RHOBTB3: variants seen among roughly 807,000 people sequenced by gnomAD.
RHOBTB3 encodes the protein rho-related BTB domain-containing protein 3.
RHOBTB3 carries 47 observed loss-of-function variants against 67.2 expected under a neutral mutation model. The ratio of observed to expected loss-of-function variants is 0.70; its 90% CI spans 0.55 to 0.89. RHOBTB3 has a LOEUF of 0.89. Among genes scored for constraint, RHOBTB3 ranks in the 40% least tolerant of loss-of-function variants. The pLI, the probability that RHOBTB3 is intolerant of heterozygous loss-of-function variation, is 0.00. For synonymous variants in RHOBTB3, 273 were observed against 274.2 expected (o/e 1.00, Z 0.04); for missense variants, 631 against 750.0 (o/e 0.84, Z 1.85).
At chr5:95,776,947 T>G (rs1367455866) in intron 8 of RHOBTB3, among the ~76,000 whole-genome samples, 2 of 152,144 alleles carry the variant, frequency 1.3e-5, no homozygotes, top group Non-Finnish European at 2.9e-5. Context: ...ATCTTTCCTT[T>G]AAAGTGTCCC....
intron 1 of RHOBTB3, among the ~76,000 whole-genome samples, chr5:95,718,625 A>G (rs1754760328): frequency 6.6e-6 from 1 of 152,234 alleles, no homozygotes. Context: ...ATGAATTTAT[A>G]GTGCCATCAA....
intron 10 of RHOBTB3, among the ~76,000 whole-genome samples, chr5:95,788,092 G>A (rs1246125955): frequency 6.6e-6 from 1 of 152,256 alleles, no homozygotes; most frequent in East Asian, 1.9e-4. Context: ...GCAAGTTACT[G>A]TCATCTGCAT....
At chr5:95,719,859 G>C (rs1037379907) in intron 1 of RHOBTB3, 1 of 152,224 alleles carries the variant, frequency 6.6e-6, no homozygotes, top group Non-Finnish European at 1.5e-5. Context: ...ATATCTCTCT[G>C]TGATAACTCG....
intron 1 of RHOBTB3, among the ~76,000 whole-genome samples, chr5:95,721,322 A>G (rs1754867902): frequency 6.6e-6 from 1 of 152,192 alleles, no homozygotes; most frequent in African/African-American, 2.4e-5. Context: ...AGAAAGGTCT[A>G]AGTGTCTTTT....
intron 9 of RHOBTB3, chr5:95,781,741 A>G (rs6890561): frequency 0.78 from 118,597 of 152,332 alleles, 47,000 homozygotes; most frequent in African/African-American, 0.92. Context: ...TCCCAGCTAC[A>G]CGGGAGGCAG....
chr5:95,722,381 G>A (rs1307195636), intron 1 of RHOBTB3, among the ~76,000 whole-genome samples: 1 of 152,094 alleles, frequency 6.6e-6, no homozygotes, highest in Non-Finnish European at 1.5e-5. Context: ...GATTACAAAT[G>A]GAAAACTTCC....
intron 3 of RHOBTB3, among the ~76,000 whole-genome samples, chr5:95,738,669 G>C (rs1469968850): frequency 3.3e-5 from 5 of 152,092 alleles, no homozygotes; most frequent in African/African-American, 1.2e-4. Flanking sequence ...CTAGCACCTT[G>C]ATATTGGACA....
chr5:95,737,404 A>G (rs1401241217), intron 3 of RHOBTB3, among the ~76,000 whole-genome samples: 2 of 152,214 alleles, frequency 1.3e-5, no homozygotes, highest in Non-Finnish European at 2.9e-5. Flanking sequence ...TGATGATCTG[A>G]AGGTCTACCT....
At chr5:95,767,211 A>G (rs1182837869) in intron 7 of RHOBTB3, among the ~76,000 whole-genome samples, 1 of 152,008 alleles carries the variant, frequency 6.6e-6, no homozygotes, top group African/African-American at 2.4e-5. Context: ...ACTCCATCTC[A>G]AAAAAGATGG....
chr5:95,783,624 A>G (rs9314157), intron 9 of RHOBTB3, 173 bp from the exon 10 acceptor site: 86,014 of 403,288 alleles, frequency 0.21, 10,722 homozygotes, highest in South Asian at 0.31. Context: ...ATAAAATGGA[A>G]TAAAAGTGCA....
intron 4 of RHOBTB3, 120 bp from the exon 5 acceptor site, chr5:95,752,119 G>T: frequency 1.6e-6 from 1 of 615,624 alleles, no homozygotes; most frequent in Non-Finnish European, 2.9e-6. Flanking sequence ...GTTTGCTAAT[G>T]CATACGTATA....
At chr5:95,792,771 G>A (rs1184480884) in intron 11 of RHOBTB3, among the ~76,000 whole-genome samples, 3 of 142,486 alleles carry the variant, frequency 2.1e-5, no homozygotes, top group African/African-American at 7.9e-5. Flanking sequence ...CAGCCTGGGC[G>A]ACAGAATGAG....
chr5:95,746,791 G>C (rs1051884199), intron 3 of RHOBTB3, among the ~76,000 whole-genome samples: 1 of 152,172 alleles, frequency 6.6e-6, no homozygotes, highest in African/African-American at 2.4e-5. Context: ...TGCAAAATGA[G>C]AATATGAATA....
intron 8 of RHOBTB3, among the ~76,000 whole-genome samples, chr5:95,779,529 C>T (rs1745988537): frequency 6.6e-6 from 1 of 152,148 alleles, no homozygotes; most frequent in South Asian, 2.1e-4. Flanking sequence ...GCAAGCTTTT[C>T]CTAGAGAGTT....
At chr5:95,746,870 A>G (rs1744930559) in intron 3 of RHOBTB3, among the ~76,000 whole-genome samples, 1 of 152,212 alleles carries the variant, frequency 6.6e-6, no homozygotes, top group Non-Finnish European at 1.5e-5. Context: ...GTCTGTGTGT[A>G]TGTGTATGTG....
chr5:95,723,338 G>A (rs9314153), intron 1 of RHOBTB3, among the ~76,000 whole-genome samples: 1 of 152,170 alleles, frequency 6.6e-6, no homozygotes, highest in Admixed American at 6.5e-5. Context: ...TTGGACTTCT[G>A]CAAACACAAC....
chr5:95,780,563 G>A, intron 9 of RHOBTB3, 138 bp downstream of exon 9: 1 of 739,998 alleles, frequency 1.4e-6, no homozygotes, highest in Middle Eastern at 3.1e-4. Context: ...GCAATTAGAG[G>A]TGGTGCTGGA....
chr5:95,725,852 A>G (rs1755040500), intron 1 of RHOBTB3, among the ~76,000 whole-genome samples: 1 of 151,494 alleles, frequency 6.6e-6, no homozygotes, highest in Non-Finnish European at 1.5e-5. Context: ...CTAATCCATC[A>G]GTGGTTACAT....
At chr5:95,736,788 A>T (rs1755462909) in intron 2 of RHOBTB3, 101 bp from the exon 3 acceptor site, 7 of 768,140 alleles carry the variant, frequency 9.1e-6, no homozygotes, top group South Asian at 2.2e-5. Context: ...TACTTATTTT[A>T]AAATAATTTT....
Sources: allele counts gnomAD v4.1 joint callset (sites outside exome capture counted in the v4.1 genomes callset), GRCh38; gene constraint gnomAD v4.1.1; transcripts MANE v1.5; gene names NCBI Gene and HGNC (gene_info 2026-07-23, HGNC 2026-07-21).